Variants in GABRB1 observed in about 807,000 individuals in gnomAD.
GABRB1 encodes gamma-aminobutyric acid type A receptor subunit beta1, also known as gamma-aminobutyric acid receptor subunit beta-1.
GABRB1 carries 17 observed loss-of-function variants against 51.6 expected under a neutral mutation model. The observed-to-expected ratio is 0.33, with a 90% CI of 0.23 to 0.49. The LOEUF is 0.49. Ranked by LOEUF, GABRB1 falls within the 20% of genes least tolerant of loss-of-function variation. The pLI, the probability that GABRB1 is intolerant of heterozygous loss-of-function variation, is 0.99. For missense variants in GABRB1, 410 were observed against 600.6 expected, an observed-to-expected ratio of 0.68 and a Z score of 3.32; for synonymous variants, 247 against 218.9, an observed-to-expected ratio of 1.13 and a Z score of -1.14.
chr4:47,295,483 T>C (rs1416591460), intron 4 of GABRB1, among the ~76,000 whole-genome samples: 1 of 152,128 alleles, frequency 6.6e-6, no homozygotes, highest in Non-Finnish European at 1.5e-5. Flanking sequence ...GGAGCCGATG[T>C]GATCAACTGG....
intron 3 of GABRB1, among the ~76,000 whole-genome samples, chr4:47,140,262 A>G (rs533460376): frequency 4.6e-5 from 7 of 152,154 alleles, no homozygotes; most frequent in African/African-American, 1.4e-4. Context: ...ACTTTTTCAT[A>G]CATAATTTCT....
intron 4 of GABRB1, among the ~76,000 whole-genome samples, chr4:47,178,298 T>C (rs1718786778): frequency 6.6e-6 from 1 of 152,142 alleles, no homozygotes; most frequent in African/African-American, 2.4e-5. Flanking sequence ...ATCTCTTTAA[T>C]GTGTTGTTCC....
chr4:47,105,922 G>GA (rs919477642), intron 3 of GABRB1, among the ~76,000 whole-genome samples: 7 of 151,618 alleles, frequency 4.6e-5, no homozygotes, highest in African/African-American at 7.3e-5. Context: ...GTTGAGTTTT[G>GA]AAAAAAAATT....
chr4:47,394,473 C>CACTTA (rs10659861), intron 5 of GABRB1, among the ~76,000 whole-genome samples: 151,121 of 152,236 alleles, frequency 0.99, 75,011 homozygotes, highest in East Asian at 1. Flanking sequence ...AAGTGTGAGG[C>CACTTA]ACGAGAACCT....
chr4:47,372,796 G>T (rs1298883266), intron 5 of GABRB1, among the ~76,000 whole-genome samples: 1 of 152,054 alleles, frequency 6.6e-6, no homozygotes, highest in Non-Finnish European at 1.5e-5. Context: ...CCTCTCTTTG[G>T]GTATATGAGT....
chr4:47,173,690 C>A (rs1238677695), intron 4 of GABRB1, among the ~76,000 whole-genome samples: 3 of 152,134 alleles, frequency 2.0e-5, no homozygotes, highest in Non-Finnish European at 4.4e-5. Flanking sequence ...TTCCCAAAGA[C>A]CTCACTCATG....
intron 3 of GABRB1, among the ~76,000 whole-genome samples, chr4:47,090,445 C>G (rs1728245681): frequency 6.6e-6 from 1 of 152,110 alleles, no homozygotes; most frequent in Non-Finnish European, 1.5e-5. Context: ...GAGTGAAAAT[C>G]ACTCAAATTT....
chr4:47,363,019 C>CGTGTGTGTGTGT (rs72429068), intron 5 of GABRB1, among the ~76,000 whole-genome samples: 121 of 119,024 alleles, frequency 1.0e-3, no homozygotes, highest in East Asian at 7.5e-3. Flanking sequence ...AGTGTCTAAG[C>CGTGTGTGTGTGT]GTGTGTGTGT....
chr4:47,145,510 G>A (rs932386265), intron 3 of GABRB1, among the ~76,000 whole-genome samples: 4 of 151,972 alleles, frequency 2.6e-5, no homozygotes, highest in South Asian at 2.1e-4. Flanking sequence ...ACACGCACAT[G>A]CATAAACTTA....
intron 3 of GABRB1, among the ~76,000 whole-genome samples, chr4:47,156,620 T>C (rs1186659138): frequency 6.6e-6 from 1 of 151,944 alleles, no homozygotes; most frequent in African/African-American, 2.4e-5. Context: ...TTGTTTAACA[T>C]AATTTTCTTA....
chr4:46,998,965 TAGTACTC>T (rs1724092960), intron 1 of GABRB1, among the ~76,000 whole-genome samples: 1 of 152,108 alleles, frequency 6.6e-6, no homozygotes, highest in Admixed American at 6.5e-5. Context: ...CGTGTGTAAT[TAGTACTC>T]TGTACTAATT....
chr4:47,035,063 T>G (rs956166048), intron 3 of GABRB1, among the ~76,000 whole-genome samples: 20 of 152,162 alleles, frequency 1.3e-4, no homozygotes, highest in Non-Finnish European at 2.9e-4. Flanking sequence ...TCCAAAACAT[T>G]GCTTATATTT....
At chr4:47,218,606 T>A (rs2109820360) in intron 4 of GABRB1, among the ~76,000 whole-genome samples, 1 of 152,056 alleles carries the variant, frequency 6.6e-6, no homozygotes, top group South Asian at 2.1e-4. Context: ...CATTTTTTAA[T>A]ATACCTGTTG....
chr4:47,200,704 CAAAT>C (rs1210802143), intron 4 of GABRB1, among the ~76,000 whole-genome samples: 1 of 152,112 alleles, frequency 6.6e-6, no homozygotes, highest in East Asian at 1.9e-4. Context: ...GGCCAGGAAA[CAAAT>C]AGTTGTTCGA....
intron 3 of GABRB1, among the ~76,000 whole-genome samples, chr4:47,117,280 T>C (rs1044775647): frequency 1.3e-5 from 2 of 152,228 alleles, no homozygotes; most frequent in Non-Finnish European, 2.9e-5. Context: ...TGGAGTTCGC[T>C]CATATAAAAA....
chr4:47,340,346 G>A (rs1404462911), intron 5 of GABRB1, among the ~76,000 whole-genome samples: 2 of 152,134 alleles, frequency 1.3e-5, no homozygotes, highest in African/African-American at 4.8e-5. Context: ...TCATCTGGCA[G>A]CAGTTGCCTC....
chr4:47,249,206 G>A (rs991762583), intron 4 of GABRB1, among the ~76,000 whole-genome samples: 1 of 151,966 alleles, frequency 6.6e-6, no homozygotes, highest in Non-Finnish European at 1.5e-5. Context: ...GATAGATTGT[G>A]TCATTATTGT....
At chr4:47,412,847 C>T (rs1371030106) in intron 8 of GABRB1, among the ~76,000 whole-genome samples, 1 of 152,186 alleles carries the variant, frequency 6.6e-6, no homozygotes, top group Non-Finnish European at 1.5e-5. Context: ...CCAGGTCTTC[C>T]ATTTGCATAA....
chr4:46,997,416 CAT>C (rs894173761), intron 1 of GABRB1, among the ~76,000 whole-genome samples: 7 of 149,814 alleles, frequency 4.7e-5, no homozygotes, highest in African/African-American at 9.8e-5. Context: ...TTATACATAA[CAT>C]ATTATTATAT....
Sources: allele counts gnomAD v4.1 joint callset (sites outside exome capture counted in the v4.1 genomes callset), GRCh38; gene constraint gnomAD v4.1.1; transcripts MANE v1.5; gene names NCBI Gene and HGNC (gene_info 2026-07-23, HGNC 2026-07-21).